RGL1: variants seen among roughly 807,000 people sequenced by gnomAD.
The protein encoded by RGL1 is ral guanine nucleotide dissociation stimulator-like 1.
In RGL1, 24 loss-of-function variants were observed where a neutral mutation model predicts 95.2. The observed-to-expected ratio is 0.25, with a 90% CI of 0.18 to 0.35. RGL1 has a LOEUF of 0.35. Among genes scored for constraint, RGL1 ranks in the 10% least tolerant of loss-of-function variants. RGL1 has a pLI of 1.00. For synonymous variants in RGL1, 329 were observed against 344.9 expected (o/e 0.95, Z 0.51); for missense variants, 715 against 936.3 (o/e 0.76, Z 3.08).
intron 1 of RGL1, chr1:183,710,198 A>C (rs1227859946): frequency 9.0e-6 from 2 of 221,000 alleles, no homozygotes; most frequent in African/African-American, 4.7e-5. Flanking sequence ...TCGGTACTGC[A>C]GGCTCTTCGA....
chr1:183,879,441 A>C (rs1471152544), intron 4 of RGL1, among the ~76,000 whole-genome samples: 1 of 152,270 alleles, frequency 6.6e-6, no homozygotes, highest in Admixed American at 6.5e-5. Context: ...AACTAAAAAA[A>C]CAATTTCTTT....
chr1:183,825,888 C>A (rs754224640), intron 2 of RGL1, among the ~76,000 whole-genome samples: 44 of 152,250 alleles, frequency 2.9e-4, no homozygotes, highest in Middle Eastern at 3.4e-3. Context: ...GAAGGCCAGA[C>A]GCAGAGGCCC....
At chr1:183,668,327 A>G (rs773916622) in intron 1 of RGL1, among the ~76,000 whole-genome samples, 17 of 152,144 alleles carry the variant, frequency 1.1e-4, no homozygotes, top group Admixed American at 3.3e-4. Context: ...GTGGAATTCT[A>G]GGTTGATGAG....
chr1:183,859,257 G>A (rs1408718925), intron 3 of RGL1, among the ~76,000 whole-genome samples: 1 of 152,228 alleles, frequency 6.6e-6, no homozygotes, highest in Admixed American at 6.5e-5. Flanking sequence ...GAAAAGAAAC[G>A]GATGACAGAG....
intron 1 of RGL1, among the ~76,000 whole-genome samples, chr1:183,740,872 T>C (rs1378690943): frequency 6.6e-6 from 1 of 152,220 alleles, no homozygotes; most frequent in East Asian, 1.9e-4. Flanking sequence ...ACTCTGTGTG[T>C]GATACTATCT....
intron 1 of RGL1, among the ~76,000 whole-genome samples, chr1:183,736,992 A>C (rs929157113): frequency 6.6e-6 from 1 of 152,190 alleles, no homozygotes; most frequent in South Asian, 2.1e-4. Flanking sequence ...ACGATTTGTG[A>C]GGGATGTCTC....
intron 2 of RGL1, among the ~76,000 whole-genome samples, chr1:183,829,285 T>A (rs1349726654): frequency 2.0e-5 from 3 of 151,516 alleles, no homozygotes; most frequent in Non-Finnish European, 4.4e-5. Flanking sequence ...ATGAAAAAAA[T>A]AAAAAAATTA....
chr1:183,725,142 A>AAC (rs1253018657), intron 1 of RGL1, among the ~76,000 whole-genome samples: 5 of 152,202 alleles, frequency 3.3e-5, no homozygotes, highest in Non-Finnish European at 7.3e-5. Flanking sequence ...TGCAAGAGCC[A>AAC]CAGCGTTACT....
intron 2 of RGL1, among the ~76,000 whole-genome samples, chr1:183,766,795 T>G (rs1658989593): frequency 6.6e-6 from 1 of 152,138 alleles, no homozygotes. Context: ...CTCTATCATT[T>G]TTTTTTTTGA....
At chr1:183,646,344 T>C (rs775443610) in intron 1 of RGL1, 2 of 152,162 alleles carry the variant, frequency 1.3e-5, no homozygotes, top group Non-Finnish European at 2.9e-5. Context: ...AATATGTTTT[T>C]CTTTCTCCTC....
At chr1:183,854,253 C>A (rs759163983) in intron 3 of RGL1, among the ~76,000 whole-genome samples, 6 of 152,120 alleles carry the variant, frequency 3.9e-5, no homozygotes, top group Non-Finnish European at 8.8e-5. Context: ...TAGATCATGG[C>A]CCATAAAGGT....
At chr1:183,830,274 A>G (rs1323645486) in intron 2 of RGL1, among the ~76,000 whole-genome samples, 1 of 152,160 alleles carries the variant, frequency 6.6e-6, no homozygotes, top group Non-Finnish European at 1.5e-5. Context: ...CTCAAACAAT[A>G]TCCTTTGTGT....
intron 2 of RGL1, among the ~76,000 whole-genome samples, chr1:183,810,314 A>G (rs1371014826): frequency 1.3e-5 from 2 of 152,184 alleles, no homozygotes; most frequent in African/African-American, 4.8e-5. Flanking sequence ...TGTGAGTGCT[A>G]GGTCACTTCT....
chr1:183,799,485 G>C (rs1369298459), intron 2 of RGL1, among the ~76,000 whole-genome samples: 1 of 152,042 alleles, frequency 6.6e-6, no homozygotes, highest in Non-Finnish European at 1.5e-5. Context: ...TTTGTTTTTT[G>C]ATAATGGCCA....
rs137924711 is a variant in RGL1, at chr1:183,908,908, G to A, written c.1562+1807G>A. Among the ~76,000 whole-genome samples the A allele has an allele frequency of 2.7e-3, 411 of 152,230 alleles. 3 individuals carry two copies. Among genetic ancestry groups the A allele is most frequent in the Admixed American group, 5.4e-3 (83 of 15,286 alleles). On this transcript the variant is annotated intron_variant, in intron 14 of 17. Coordinates refer to ENST00000360851, the MANE Select transcript of RGL1 (RefSeq NM_001297671.3). ...CTTCTCTGTACTCCTCTCCAAGCCC[G>A]GGATCTATATGTTTTGTGGTGGGAG... is the stretch of plus-strand genomic sequence containing the variant.
At chr1:183,897,239 T>C (rs1454378622) in intron 9 of RGL1, among the ~76,000 whole-genome samples, 1 of 152,098 alleles carries the variant, frequency 6.6e-6, no homozygotes, top group Admixed American at 6.5e-5. Flanking sequence ...TCTTACAAAG[T>C]AAGGGGAAGG....
chr1:183,717,856 G>A lies in RGL1; in HGVS notation c.-32-24270G>A, dbSNP rs576637285. ...TCAGAGGAAGTGGCATTTGGTATGA[G>A]CACAGAAGAAGTCTTCTCTCCTCTT... On this transcript the variant is annotated intron_variant, in intron 1 of 18. Transcript: ENST00000304685. Among the ~76,000 whole-genome samples the A allele has an allele frequency of 7.9e-5, 12 of 152,324 alleles. No homozygotes were observed. The East Asian group carries it at 2.1e-3, about 27-fold the overall frequency.
intron 1 of RGL1, among the ~76,000 whole-genome samples, chr1:183,739,358 C>T (rs574418876): frequency 5.3e-5 from 8 of 152,246 alleles, no homozygotes; most frequent in South Asian, 4.1e-4. Context: ...CTACCAGCGG[C>T]GGGAGAGTAG....
intron 2 of RGL1, among the ~76,000 whole-genome samples, chr1:183,796,458 G>C (rs766644090): frequency 3.3e-5 from 5 of 152,040 alleles, no homozygotes; most frequent in Non-Finnish European, 7.4e-5. Context: ...CTCTGTGCCC[G>C]GCCTGTATCC....
Sources: allele counts gnomAD v4.1 joint callset (sites outside exome capture counted in the v4.1 genomes callset), GRCh38; gene constraint gnomAD v4.1.1; transcripts MANE v1.5; gene names NCBI Gene and HGNC (gene_info 2026-07-23, HGNC 2026-07-21).